The following TTC28 variants were observed in gnomAD, a reference collection of about 807,000 sequenced individuals.
TTC28 encodes tetratricopeptide repeat protein 28.
Under a neutral mutation model 198.0 loss-of-function variants are expected in TTC28, and 61 were observed. The ratio of observed to expected loss-of-function variants is 0.31; its 90% CI spans 0.25 to 0.38. The LOEUF (loss-of-function observed/expected upper bound fraction) is 0.38, where lower values mean the gene tolerates loss of function less well. TTC28 is among the 10% of genes least tolerant of loss of function. The pLI, the probability that TTC28 is intolerant of heterozygous loss-of-function variation, is 1.00. For synonymous variants in TTC28, 1,171 were observed against 1,297.8 expected (o/e 0.90, Z 2.10); for missense variants, 2,678 against 3,164.0 (o/e 0.85, Z 3.69).
chr22:27,990,027 G>A lies in TTC28; in HGVS notation c.5578-20C>T, dbSNP rs538665951. On this transcript the variant is annotated intron_variant, in intron 20 of 22. Transcript: ENST00000397906. Reference sequence around the variant, plus strand: ...GTGGAGCTGAGGAAGGGGGGACAGCGTGAGCACCCTGTGTCTCCTTCCCCT... The same window carrying A: ...GTGGAGCTGAGGAAGGGGGGACAGCATGAGCACCCTGTGTCTCCTTCCCCT... 2.1e-5 allele frequency: 33 copies of A among 1,545,672 alleles called. No individual in the cohort carries two copies. In the African/African-American group the frequency reaches 3.6e-4, roughly 17 times the overall value.
chr22:28,159,422 G>A (rs1233090202), intron 6 of TTC28, among the ~76,000 whole-genome samples: 2 of 152,172 alleles, frequency 1.3e-5, no homozygotes, highest in African/African-American at 2.4e-5. Context: ...CTGGGAGGCC[G>A]AGGCAGGCAG....
intron 2 of TTC28, among the ~76,000 whole-genome samples, chr22:28,455,184 G>T (rs1422944808): frequency 6.6e-6 from 1 of 152,132 alleles, no homozygotes; most frequent in Non-Finnish European, 1.5e-5. Context: ...AGTGTTCTGG[G>T]TATAGAACAC....
chr22:28,659,493 C>T (rs1001258369), intron 1 of TTC28, among the ~76,000 whole-genome samples: 1 of 152,122 alleles, frequency 6.6e-6, no homozygotes, highest in South Asian at 2.1e-4. Flanking sequence ...GTCTCAAACT[C>T]CTGAACTCAA....
rs1396149383 is a variant in TTC28, at chr22:27,989,866, T to A, written c.5707+12A>T. On this transcript the variant is annotated intron_variant, in intron 21 of 22. Coordinates refer to ENST00000397906, the MANE Select transcript of TTC28 (RefSeq NM_001145418.2). ...TTCAAGAACCCATTTAAGTCAAGGA[T>A]TCTCTGCCTACCTAGAGCTGCCAGG... The A allele has an allele frequency of 7.1e-6, 11 of 1,545,740 alleles. No individual in the cohort carries two copies. In the East Asian group the frequency reaches 2.7e-4, roughly 38 times the overall value.
chr22:28,239,704 G>A (rs942511920), intron 5 of TTC28, among the ~76,000 whole-genome samples: 2 of 152,154 alleles, frequency 1.3e-5, no homozygotes, highest in Non-Finnish European at 2.9e-5. Flanking sequence ...AACTCTACCA[G>A]GCTCTCACAG....
At chr22:28,144,638 C>T (rs1483276522) in intron 6 of TTC28, among the ~76,000 whole-genome samples, 1 of 152,158 alleles carries the variant, frequency 6.6e-6, no homozygotes, top group East Asian at 1.9e-4. Context: ...AACAGCAGTA[C>T]CATTTACTGA....
intron 2 of TTC28, among the ~76,000 whole-genome samples, chr22:28,376,504 A>G (rs1706913078): frequency 6.6e-6 from 1 of 152,222 alleles, no homozygotes; most frequent in Non-Finnish European, 1.5e-5. Flanking sequence ...TAACATACCT[A>G]ATAACTTAAA....
intron 2 of TTC28, among the ~76,000 whole-genome samples, chr22:28,462,217 C>T (rs1003475405): frequency 6.6e-6 from 1 of 152,152 alleles, no homozygotes; most frequent in South Asian, 2.1e-4. Flanking sequence ...ATACTTCCTG[C>T]TCCAGTGATG....
chr22:28,021,521 G>A (rs561327353), intron 13 of TTC28, among the ~76,000 whole-genome samples: 41 of 152,300 alleles, frequency 2.7e-4, no homozygotes, highest in Admixed American at 2.4e-3. Flanking sequence ...TGCCTCCTTG[G>A]TGGCCCTGGG....
intron 1 of TTC28, among the ~76,000 whole-genome samples, chr22:28,660,144 C>A (rs1185939258): frequency 6.6e-6 from 1 of 152,128 alleles, no homozygotes; most frequent in African/African-American, 2.4e-5. Context: ...GAAATTATAT[C>A]TTTATTTCAC....
chr22:28,548,609 G>A (rs1318782967), intron 2 of TTC28, among the ~76,000 whole-genome samples: 1 of 152,244 alleles, frequency 6.6e-6, no homozygotes, highest in Non-Finnish European at 1.5e-5. Context: ...CCGAGAGGCA[G>A]TGTGCCAGGC....
chr22:28,277,680 AT>A (rs757574022), intron 5 of TTC28, among the ~76,000 whole-genome samples: 1 of 152,230 alleles, frequency 6.6e-6, no homozygotes, highest in Non-Finnish European at 1.5e-5. Flanking sequence ...AATATATTTC[AT>A]GTTATTTTAG....
At chr22:28,212,020 A>G (rs912055333) in intron 5 of TTC28, among the ~76,000 whole-genome samples, 4 of 152,214 alleles carry the variant, frequency 2.6e-5, no homozygotes, top group Admixed American at 1.3e-4. Context: ...GTGCTCCTCA[A>G]TGACTACTGG....
intron 2 of TTC28, among the ~76,000 whole-genome samples, chr22:28,379,354 T>A (rs2046461465): frequency 1.3e-5 from 2 of 152,082 alleles, no homozygotes; most frequent in African/African-American, 4.8e-5. Flanking sequence ...TTATTCACAA[T>A]AACCAAAGGG....
chr22:28,532,850 T>C (rs1349985058), intron 2 of TTC28, among the ~76,000 whole-genome samples: 1 of 152,194 alleles, frequency 6.6e-6, no homozygotes. Flanking sequence ...TTTGACAAAA[T>C]TCAAGAGTGC....
At chr22:28,306,426 T>A in intron 3 of TTC28, 70 bp downstream of exon 3, 1 of 1,493,162 alleles carries the variant, frequency 6.7e-7, no homozygotes, top group Non-Finnish European at 9.0e-7. Flanking sequence ...TGCCTGAGCC[T>A]AAAGTCTTGG....
chr22:28,294,585 C>T (rs1003057382), intron 5 of TTC28, among the ~76,000 whole-genome samples: 2 of 151,532 alleles, frequency 1.3e-5, no homozygotes, highest in Non-Finnish European at 2.9e-5. Context: ...TCTTTCCCCC[C>T]CAAGATGGAG....
chr22:28,524,806 G>A (rs2048977263), intron 2 of TTC28, among the ~76,000 whole-genome samples: 1 of 152,042 alleles, frequency 6.6e-6, no homozygotes, highest in Admixed American at 6.6e-5. Context: ...CTCATATGTT[G>A]GTGATGAAAA....
intron 2 of TTC28, among the ~76,000 whole-genome samples, chr22:28,416,094 A>G (rs2047164287): frequency 6.6e-6 from 1 of 152,154 alleles, no homozygotes; most frequent in Non-Finnish European, 1.5e-5. Flanking sequence ...AACTTTCCCT[A>G]TCTATTCTAT....
Sources: allele counts gnomAD v4.1 joint callset (sites outside exome capture counted in the v4.1 genomes callset), GRCh38; gene constraint gnomAD v4.1.1; transcripts MANE v1.5; gene names NCBI Gene and HGNC (gene_info 2026-07-23, HGNC 2026-07-21).